The following EXOC6 variants were observed in gnomAD, a reference collection of about 807,000 sequenced individuals.
The protein encoded by EXOC6 is exocyst complex component 6.
EXOC6 carries 60 observed loss-of-function variants against 112.5 expected under a neutral mutation model. The observed-to-expected ratio is 0.53, with a 90% CI of 0.43 to 0.66. The LOEUF is 0.66. Among genes scored for constraint, EXOC6 ranks in the 30% least tolerant of loss-of-function variants. EXOC6 has a pLI of 0.00. For synonymous variants in EXOC6, 295 were observed against 308.0 expected, an observed-to-expected ratio of 0.96 and a Z score of 0.44; for missense variants, 855 against 957.1, an observed-to-expected ratio of 0.89 and a Z score of 1.41.
At chr10:93,032,090 C>T (rs1399458012) in intron 20 of EXOC6, among the ~76,000 whole-genome samples, 11 of 152,100 alleles carry the variant, frequency 7.2e-5, no homozygotes, top group Admixed American at 6.6e-4. Flanking sequence ...CCTTAGCCTT[C>T]GTCTCCACAG....
chr10:93,056,472 T>G (rs1201930115), intron 20 of EXOC6, among the ~76,000 whole-genome samples: 1 of 152,172 alleles, frequency 6.6e-6, no homozygotes, highest in East Asian at 1.9e-4. Flanking sequence ...GGAAAAAGTC[T>G]TAGGTGCAAA....
At chr10:92,868,379 G>A (rs2133709712) in intron 1 of EXOC6, among the ~76,000 whole-genome samples, 1 of 152,192 alleles carries the variant, frequency 6.6e-6, no homozygotes, top group Non-Finnish European at 1.5e-5. Flanking sequence ...TTTATACGCA[G>A]TGATACTGTA....
upstream of EXOC6, among the ~76,000 whole-genome samples, chr10:92,845,938 C>A (rs959436914): frequency 1.3e-5 from 2 of 152,134 alleles, no homozygotes; most frequent in African/African-American, 4.8e-5. Flanking sequence ...AACTCTGTCT[C>A]GAAAAAACCA....
At chr10:92,878,389 A>T (rs2133756153) in intron 1 of EXOC6, 1 of 152,272 alleles carries the variant, frequency 6.6e-6, no homozygotes, top group South Asian at 2.1e-4. Flanking sequence ...CAAAAAAAGG[A>T]ACCTTAATCT....
At chr10:93,038,352 A>G (rs1429841575) in intron 20 of EXOC6, among the ~76,000 whole-genome samples, 3 of 152,222 alleles carry the variant, frequency 2.0e-5, no homozygotes, top group Non-Finnish European at 4.4e-5. Flanking sequence ...CCTACTAAGC[A>G]TTCTTTTTGA....
At chr10:92,922,073 G>C (rs909918901) in intron 8 of EXOC6, among the ~76,000 whole-genome samples, 1 of 151,986 alleles carries the variant, frequency 6.6e-6, no homozygotes, top group Non-Finnish European at 1.5e-5. Context: ...AGCCTCCCAA[G>C]TAGCTGGGAT....
intron 4 of EXOC6, among the ~76,000 whole-genome samples, chr10:92,895,920 C>A: frequency 7.9e-6 from 1 of 127,158 alleles, no homozygotes; most frequent in African/African-American, 2.9e-5. Flanking sequence ...CATTTTTAAA[C>A]TTATTATTTT....
At chr10:92,954,778 T>A in intron 16 of EXOC6, 37 bp downstream of exon 16, 2 of 876,776 alleles carry the variant, frequency 2.3e-6, no homozygotes, top group Non-Finnish European at 3.7e-6. Context: ...AATGTTTCAT[T>A]GTATGAAACA....
At chr10:92,857,125 TCTG>T in intron 1 of EXOC6, among the ~76,000 whole-genome samples, 1 of 151,940 alleles carries the variant, frequency 6.6e-6, no homozygotes, top group East Asian at 1.9e-4. Flanking sequence ...TGGATTCACA[TCTG>T]CTGTTTTTCT....
At chr10:92,912,255 A>G (rs1317268022) in intron 6 of EXOC6, among the ~76,000 whole-genome samples, 2 of 151,176 alleles carry the variant, frequency 1.3e-5, no homozygotes, top group African/African-American at 4.9e-5. Context: ...TCCTAAATCT[A>G]TTTTTCTTAT....
chr10:92,872,477 A>T (rs919523109), intron 1 of EXOC6, among the ~76,000 whole-genome samples: 11 of 152,044 alleles, frequency 7.2e-5, no homozygotes, highest in Admixed American at 1.3e-4. Context: ...ATTAGGCTTC[A>T]CAGTTTTATA....
chr10:92,913,232 T>C (rs1327281921), intron 6 of EXOC6, among the ~76,000 whole-genome samples: 4 of 152,248 alleles, frequency 2.6e-5, no homozygotes, highest in Admixed American at 6.5e-5. Flanking sequence ...GTATTCATAC[T>C]GTTAATGTTA....
At chr10:93,049,892 C>T (rs1304908086) in intron 20 of EXOC6, among the ~76,000 whole-genome samples, 1 of 152,050 alleles carries the variant, frequency 6.6e-6, no homozygotes, top group Non-Finnish European at 1.5e-5. Context: ...TATTTGATTC[C>T]CATTTGGGGA....
intron 12 of EXOC6, among the ~76,000 whole-genome samples, 162 bp downstream of exon 12, chr10:92,936,047 C>G (rs1051509169): frequency 2.6e-5 from 4 of 152,150 alleles, no homozygotes; most frequent in Admixed American, 6.5e-5. Flanking sequence ...ACTATTCATA[C>G]CACTTCCTTT....
intron 17 of EXOC6, among the ~76,000 whole-genome samples, chr10:92,961,717 TATC>T (rs1332671356): frequency 2.1e-5 from 3 of 146,152 alleles, no homozygotes; most frequent in Admixed American, 6.9e-5. Flanking sequence ...TTTTTTTTAA[TATC>T]ATCAGTAATC....
intron 18 of EXOC6, among the ~76,000 whole-genome samples, chr10:92,974,712 C>A (rs1842438217): frequency 6.6e-6 from 1 of 152,202 alleles, no homozygotes; most frequent in South Asian, 2.1e-4. Context: ...ATTGCAGGCG[C>A]ACGCCACCAC....
intron 1 of EXOC6, among the ~76,000 whole-genome samples, chr10:92,874,411 T>A (rs1406605042): frequency 7.1e-6 from 1 of 141,826 alleles, no homozygotes; most frequent in Non-Finnish European, 1.5e-5. Flanking sequence ...CTTCCCATTC[T>A]TTATATTGTG....
At chr10:92,853,577 A>G (rs1847454078) in intron 1 of EXOC6, among the ~76,000 whole-genome samples, 1 of 152,252 alleles carries the variant, frequency 6.6e-6, no homozygotes, top group Non-Finnish European at 1.5e-5. Context: ...TAGAAACCAC[A>G]TAAATAGATT....
intron 1 of EXOC6, among the ~76,000 whole-genome samples, 169 bp from the exon 2 acceptor site, chr10:92,893,180 C>T (rs977493008): frequency 6.6e-6 from 1 of 152,088 alleles, no homozygotes; most frequent in African/African-American, 2.4e-5. Context: ...TTAATATTAT[C>T]ATGTTCAAGA....
Sources: gnomAD v4.1 joint callset for allele counts (sites outside exome capture counted in the v4.1 genomes callset) on GRCh38, gnomAD v4.1.1 for gene constraint, MANE v1.5 for transcripts, NCBI Gene and HGNC (gene_info 2026-07-23, HGNC 2026-07-21) for gene names.